Variants in BMP7 observed in about 807,000 individuals in gnomAD.
BMP7 encodes the protein bone morphogenetic protein 7.
BMP7 carries 12 observed loss-of-function variants against 41.2 expected under a neutral mutation model. The ratio of observed to expected loss-of-function variants is 0.29; its 90% CI spans 0.19 to 0.47. The LOEUF (loss-of-function observed/expected upper bound fraction) is 0.47, where lower values mean the gene tolerates loss of function less well. Ranked by LOEUF, BMP7 falls within the 20% of genes least tolerant of loss-of-function variation. The pLI is 0.99. For synonymous variants in BMP7, 248 were observed against 250.0 expected (o/e 0.99, Z 0.07); for missense variants, 467 against 606.0 (o/e 0.77, Z 2.41).
At chr20:57,242,031 C>A (rs995109558) in intron 1 of BMP7, among the ~76,000 whole-genome samples, 1 of 152,190 alleles carries the variant, frequency 6.6e-6, no homozygotes, top group Admixed American at 6.5e-5. Context: ...CCCTGGCCTA[C>A]GGCTTCCCAC....
At chr20:57,176,664 C>T (rs1450063799) in intron 4 of BMP7, among the ~76,000 whole-genome samples, 3 of 151,320 alleles carry the variant, frequency 2.0e-5, no homozygotes, top group African/African-American at 7.3e-5. Flanking sequence ...CTGGGGTAGG[C>T]TTGAGTGTTC....
intron 1 of BMP7, among the ~76,000 whole-genome samples, chr20:57,232,627 G>A (rs2066033505): frequency 6.6e-6 from 1 of 152,056 alleles, no homozygotes; most frequent in African/African-American, 2.4e-5. Flanking sequence ...AGAGTTACAA[G>A]GTTCTTTTCT....
At chr20:57,198,228 C>A (rs1984548794) in intron 3 of BMP7, among the ~76,000 whole-genome samples, 1 of 149,722 alleles carries the variant, frequency 6.7e-6, no homozygotes, top group African/African-American at 2.5e-5. Context: ...CTCTCCCCTC[C>A]TCTCCTCTCG....
intron 3 of BMP7, among the ~76,000 whole-genome samples, chr20:57,189,018 G>A (rs1253449609): frequency 6.6e-6 from 1 of 152,194 alleles, no homozygotes; most frequent in African/African-American, 2.4e-5. Flanking sequence ...TTCTCAACTA[G>A]GGTCAAAGCT....
chr20:57,248,181 A>C (rs1010946733), intron 1 of BMP7, among the ~76,000 whole-genome samples: 6 of 152,250 alleles, frequency 3.9e-5, no homozygotes, highest in African/African-American at 1.4e-4. Context: ...TTATATGTGC[A>C]TACAGTGGAA....
At chr20:57,257,384 A>T (rs1017341370) in intron 1 of BMP7, among the ~76,000 whole-genome samples, 1 of 152,282 alleles carries the variant, frequency 6.6e-6, no homozygotes, top group Non-Finnish European at 1.5e-5. Context: ...TTATATTAAA[A>T]TTTAATTTTA....
rs372962447 is a variant in BMP7 at position 57,217,284 on chromosome 20, T to C, written c.611+10945A>G. On this transcript the variant is annotated intron_variant, in intron 2 of 6. Transcript: ENST00000395863. ...AGCATGGAGGGGAAAGAGCCTGCTA[T>C]TGAGGACACCTCAAGTGCCATCTTT... 8.7e-4 allele frequency among the ~76,000 whole-genome samples: 132 copies of C among 152,074 alleles called. 1 individual carries two copies. The South Asian group carries it at 0.013, about 15-fold the overall frequency.
chr20:57,170,721 T>C lies in BMP7; in HGVS notation c.*238A>G, dbSNP rs940713885. ...CCATTTTTCTTTATGCGTTGTTTTT[T>C]TTTCCTGCTAGGTTTTGCCTGCACA... On this transcript the variant is annotated 3_prime_UTR_variant, in exon 7 of 7. Coordinates refer to ENST00000395863, the MANE Select transcript of BMP7 (RefSeq NM_001719.3). The C allele has an allele frequency of 5.4e-5, 28 of 521,542 alleles. No homozygotes were observed. Among genetic ancestry groups the C allele is most frequent in the Admixed American group, 1.3e-4 (4 of 31,026 alleles). The allele number at this position is 521,542 out of a possible 1,614,324, so 32.3% of individuals were successfully genotyped here.
rs61733436 is a variant in BMP7, at chr20:57,183,873, C to T, written c.807G>A (p.Gly269=). The change falls in exon 4 of 7, where the codon GGG becomes GGA. Residue 269 remains glycine (G), a synonymous_variant. Transcript: ENST00000395863. ...PKLAGLIGRH[G]PQNKQPFMVA... is the part of the protein sequence containing the mutation. Reference sequence around the variant, plus strand: ...CCATGAAGGGCTGCTTGTTCTGGGGCCCGTGCCGCCCAATCAGGCCCGCCA... The same window carrying T: ...CCATGAAGGGCTGCTTGTTCTGGGGTCCGTGCCGCCCAATCAGGCCCGCCA... The T allele has an allele frequency of 0.014, 23,243 of 1,614,124 alleles. 199 individuals carry two copies. Among genetic ancestry groups the T allele is most frequent in the Middle Eastern group, 0.024 (145 of 6,062 alleles).
At chr20:57,257,821 C>T (rs1218959513) in intron 1 of BMP7, among the ~76,000 whole-genome samples, 71 of 109,140 alleles carry the variant, frequency 6.5e-4, no homozygotes, top group Non-Finnish European at 1.0e-3. Flanking sequence ...AAACACAAGC[C>T]ACCAAAAAAA....
At chr20:57,265,673 G>T in intron 1 of BMP7, 32 bp downstream of exon 1, 1 of 1,579,706 alleles carries the variant, frequency 6.3e-7, no homozygotes. Context: ...GCCCCCGAAA[G>T]GAGACGCGTA....
chr20:57,184,919 A>G (rs1984176547), intron 3 of BMP7, among the ~76,000 whole-genome samples: 1 of 152,192 alleles, frequency 6.6e-6, no homozygotes, highest in South Asian at 2.1e-4. Context: ...AGACTGTGAG[A>G]CAATAAAGCC....
At chr20:57,255,799 C>CAAAAAAAAAAAAAAAAAA (rs3067106) in intron 1 of BMP7, among the ~76,000 whole-genome samples, 40 of 48,594 alleles carry the variant, frequency 8.2e-4, no homozygotes, top group African/African-American at 9.9e-4. Flanking sequence ...GACTCCATCT[C>CAAAAAAAAAAAAAAAAAA]AAAAAAAAAA....
At chr20:57,247,067 T>C (rs538993799) in intron 1 of BMP7, among the ~76,000 whole-genome samples, 2 of 152,138 alleles carry the variant, frequency 1.3e-5, no homozygotes, top group South Asian at 4.2e-4. Flanking sequence ...GGATGATTAT[T>C]ACAATGGCTA....
At chr20:57,210,935 C>T (rs1049526331) in intron 2 of BMP7, among the ~76,000 whole-genome samples, 2 of 152,196 alleles carry the variant, frequency 1.3e-5, no homozygotes, top group Admixed American at 6.5e-5. Context: ...CAGTTCTGGG[C>T]CATAATTTAG....
rs1983800761 is a variant in BMP7, at chr20:57,170,879, G to T, written c.*80C>A. ...GGGGAAGGTCTCACAAAAGGCAGTT[G>T]GTCTGCTGGTTCCTGGCCAAGGCGA... is the stretch of plus-strand genomic sequence containing the variant. On this transcript the variant is annotated 3_prime_UTR_variant, in exon 7 of 7. Transcript: ENST00000395863. 1.3e-6 allele frequency: 2 copies of T among 1,560,396 alleles called. No homozygotes were observed. Among genetic ancestry groups the T allele is most frequent in the South Asian group, 1.1e-5 (1 of 87,472 alleles).
At position 57,258,144 on chromosome 20, in the gene BMP7, C is replaced by T. The variant is rs115820246; in HGVS notation, c.418+7561G>A. 4.3e-3 allele frequency among the ~76,000 whole-genome samples: 660 copies of T among 152,296 alleles called. 3 individuals carry two copies. The highest frequency in any genetic ancestry group is 0.015 in the African/African-American group (628 of 41,546). ...AGGGAGATAAAGATGTGATAGAACACGTGACCTCAGAGATGCAGGGAAACC... is the reference window on the plus strand; with the variant it reads ...AGGGAGATAAAGATGTGATAGAACATGTGACCTCAGAGATGCAGGGAAACC... On this transcript the variant is annotated intron_variant, in intron 1 of 6. Coordinates refer to ENST00000395863, the MANE Select transcript of BMP7 (RefSeq NM_001719.3).
chr20:57,176,176 C>T (rs528694933), intron 4 of BMP7, among the ~76,000 whole-genome samples: 4 of 152,314 alleles, frequency 2.6e-5, no homozygotes, highest in Non-Finnish European at 5.9e-5. Context: ...CATTCTCTTC[C>T]TCCTACTGCC....
At chr20:57,194,088 C>G (rs1050699866) in intron 3 of BMP7, among the ~76,000 whole-genome samples, 1 of 151,980 alleles carries the variant, frequency 6.6e-6, no homozygotes, top group African/African-American at 2.4e-5. Context: ...GCAGGCTTCT[C>G]AGAAGTGTCT....
Sources: allele counts gnomAD v4.1 joint callset (sites outside exome capture counted in the v4.1 genomes callset), GRCh38; gene constraint gnomAD v4.1.1; transcripts MANE v1.5; gene names NCBI Gene and HGNC (gene_info 2026-07-23, HGNC 2026-07-21).